The following PROM1 variants were observed in gnomAD, a reference collection of about 807,000 sequenced individuals.
The protein encoded by PROM1 is prominin 1.
In PROM1, 105 loss-of-function variants were observed where a neutral mutation model predicts 116.9. The ratio of observed to expected loss-of-function variants is 0.90; its 90% CI spans 0.77 to 1.06. The LOEUF (loss-of-function observed/expected upper bound fraction) is 1.06, where lower values mean the gene tolerates loss of function less well. Ranked by LOEUF, PROM1 falls within the 50% of genes least tolerant of loss-of-function variation. The pLI, the probability that PROM1 is intolerant of heterozygous loss-of-function variation, is 0.00. For synonymous variants in PROM1, 393 were observed against 387.0 expected (o/e 1.02, Z -0.18); for missense variants, 1,122 against 1,045.2 (o/e 1.07, Z -1.01).
chr4:16,037,157 C>T (rs1400949682), intron 3 of PROM1, among the ~76,000 whole-genome samples: 1 of 152,206 alleles, frequency 6.6e-6, no homozygotes, highest in East Asian at 1.9e-4. Context: ...CCGGATCCCA[C>T]TGAAGCACTG....
At chr4:16,052,000 G>A (rs1578222803) in intron 2 of PROM1, among the ~76,000 whole-genome samples, 1 of 152,158 alleles carries the variant, frequency 6.6e-6, no homozygotes, top group East Asian at 1.9e-4. Context: ...AATGAAAAGG[G>A]AGGGAATGAA....
intron 18 of PROM1, among the ~76,000 whole-genome samples, chr4:15,990,903 C>T (rs964047273): frequency 6.6e-6 from 1 of 152,234 alleles, no homozygotes; most frequent in African/African-American, 2.4e-5. Context: ...TAGGCTGCTA[C>T]TTTCTGCACA....
chr4:15,974,118 T>TTTTCTC lies in PROM1; in HGVS notation c.2583-3037_2583-3036insGAGAAA, dbSNP rs1715452053. Among the ~76,000 whole-genome samples the TTTTCTC allele has an allele frequency of 2.7e-5, 4 of 149,474 alleles. No individual in the cohort carries two copies. In the East Asian group the frequency reaches 7.9e-4, roughly 29 times the overall value. ...ACACAGACACACACACTCTCTCTCTTTCTCTCTCTCTCTCTCTCTCTCTCT... is the reference window on the plus strand; with the variant it reads ...ACACAGACACACACACTCTCTCTCTTTTTCTCTCTCTCTCTCTCTCTCTCTCTCTCT... On this transcript the variant is annotated intron_variant, in intron 26 of 27. Coordinates refer to ENST00000447510, the MANE Select transcript of PROM1 (RefSeq NM_006017.3).
chr4:16,002,780 A>C (rs921313739), intron 13 of PROM1, among the ~76,000 whole-genome samples: 1 of 152,080 alleles, frequency 6.6e-6, no homozygotes, highest in African/African-American at 2.4e-5. Context: ...CATGACTCTT[A>C]CTCTAAATCG....
At chr4:15,979,226 T>C (rs771676620) in intron 26 of PROM1, among the ~76,000 whole-genome samples, 169 bp downstream of exon 26, 29 of 152,216 alleles carry the variant, frequency 1.9e-4, no homozygotes, top group Non-Finnish European at 4.0e-4. Context: ...ACATTTAAAC[T>C]CATGGCATCA....
In PROM1 at chr4:15,984,376, G is replaced by A; in HGVS notation, c.2281-21C>T. The stretch of plus-strand genomic sequence containing the variant: ...CTGATCTAGGGGGGTGGAAACACAG[G>A]GAAACTTTGAGCTGCATCCACAAAA... On this transcript the variant is annotated intron_variant, in intron 22 of 27. Coordinates refer to ENST00000447510, the MANE Select transcript of PROM1 (RefSeq NM_006017.3). The A allele has an allele frequency of 3.3e-6, 5 of 1,508,464 alleles. No homozygotes were observed. Among genetic ancestry groups the A allele is most frequent in the Non-Finnish European group, 4.5e-6 (5 of 1,114,592 alleles). 93.4% of individuals were successfully genotyped at this position (1,508,464 alleles called of 1,614,324 possible). A position where few individuals can be genotyped will look rare whatever the true frequency, so the allele number is the denominator to read the frequency against.
chr4:16,019,464 TAAAC>T (rs1424991078), intron 8 of PROM1, among the ~76,000 whole-genome samples: 2 of 152,226 alleles, frequency 1.3e-5, no homozygotes, highest in African/African-American at 4.8e-5. Flanking sequence ...ATTTTCCACT[TAAAC>T]AATGTTTTCA....
intron 5 of PROM1, among the ~76,000 whole-genome samples, chr4:16,032,722 C>T (rs1733006275): frequency 6.6e-6 from 1 of 152,194 alleles, no homozygotes; most frequent in South Asian, 2.1e-4. Flanking sequence ...AACTGGAAAA[C>T]TTTTGAAAGC....
Position 16,016,241 on chromosome 4 carries a change from C to G in PROM1, c.1003-1G>C. On this transcript the variant is annotated splice_acceptor_variant, in intron 9 of 27. Coordinates refer to ENST00000447510, the MANE Select transcript of PROM1 (RefSeq NM_006017.3). LOFTEE classifies it high-confidence loss of function. The stretch of plus-strand genomic sequence containing the variant: ...CAAGTTCTGCATCCACGGGTGGAAG[C>G]TGAAAATTTATAAAACAAAATATAA... 6.5e-7 allele frequency: 1 copy of G among 1,547,742 alleles called. No homozygotes were observed. The highest frequency in any genetic ancestry group is 8.7e-7 in the Non-Finnish European group (1 of 1,146,078).
intron 2 of PROM1, among the ~76,000 whole-genome samples, chr4:16,069,714 T>C (rs1013436104): frequency 6.6e-6 from 1 of 152,208 alleles, no homozygotes; most frequent in African/African-American, 2.4e-5. Context: ...TCCAAAGTTA[T>C]TGGAAGTATT....
intron 24 of PROM1, chr4:15,980,160 G>A: frequency 1.7e-6 from 1 of 597,832 alleles, no homozygotes; most frequent in Non-Finnish European, 2.9e-6. Flanking sequence ...CCCCGAGAGA[G>A]AGGAACTGCA....
rs1254037733 is a variant in PROM1, at chr4:16,080,243, GGGC to G, written c.-213+3732_-213+3734del. 2.6e-5 allele frequency among the ~76,000 whole-genome samples: 4 copies of G among 151,008 alleles called. 1 individual carries two copies. The highest frequency in any genetic ancestry group is 2.0e-4 in the Admixed American group (3 of 15,084). On this transcript the variant is annotated intron_variant, in intron 1 of 27. Transcript: ENST00000447510. Reference sequence around the variant, plus strand: ...ACTGGTTTAAAAGCAAATATGGCCCGGGCGTGGTGGCTCAAGCCTGTAATCCCA... The same window carrying G: ...ACTGGTTTAAAAGCAAATATGGCCCGGTGGTGGCTCAAGCCTGTAATCCCA...
chr4:15,998,701 TA>T, intron 14 of PROM1, among the ~76,000 whole-genome samples: 1 of 152,326 alleles, frequency 6.6e-6, no homozygotes, highest in Non-Finnish European at 1.5e-5. Flanking sequence ...TCAAAATTAT[TA>T]AAATTACTTT....
At chr4:16,067,648 G>A (rs937214009) in intron 2 of PROM1, among the ~76,000 whole-genome samples, 4 of 152,228 alleles carry the variant, frequency 2.6e-5, no homozygotes, top group African/African-American at 9.6e-5. Context: ...TTGCCAGCAT[G>A]AGTCACATGT....
chr4:15,989,667 A>T, intron 19 of PROM1, 65 bp downstream of exon 19: 6 of 1,340,918 alleles, frequency 4.5e-6, no homozygotes, highest in Non-Finnish European at 5.2e-6. Context: ...GCTAAATGAA[A>T]GCCAACTAGC....
At chr4:16,036,920 G>C (rs960397428) in intron 3 of PROM1, among the ~76,000 whole-genome samples, 3 of 152,174 alleles carry the variant, frequency 2.0e-5, no homozygotes, top group Non-Finnish European at 4.4e-5. Context: ...TGTGGGCTCA[G>C]TTCTGCATCT....
chr4:15,975,871 C>G (rs192102067), intron 26 of PROM1, among the ~76,000 whole-genome samples: 1 of 152,316 alleles, frequency 6.6e-6, no homozygotes, highest in Admixed American at 6.5e-5. Flanking sequence ...GATGCTTCAG[C>G]GAAACTCACA....
At chr4:15,972,323 A>G (rs1002201614) in intron 26 of PROM1, among the ~76,000 whole-genome samples, 2 of 152,214 alleles carry the variant, frequency 1.3e-5, no homozygotes, top group African/African-American at 4.8e-5. Context: ...TATGTTTTTC[A>G]CAGTTCTGAA....
At chr4:15,991,327 T>C (rs756129805) in intron 17 of PROM1, 34 bp from the exon 18 acceptor site, 1 of 1,476,082 alleles carries the variant, frequency 6.8e-7, no homozygotes, top group Non-Finnish European at 9.2e-7. Context: ...GTCTTATGGA[T>C]ATGGGATCTT....
Sources: allele counts gnomAD v4.1 joint callset (sites outside exome capture counted in the v4.1 genomes callset), GRCh38; gene constraint gnomAD v4.1.1; transcripts MANE v1.5; gene names NCBI Gene and HGNC (gene_info 2026-07-23, HGNC 2026-07-21).